The following BMPR1A variants were observed in gnomAD, a reference collection of about 807,000 sequenced individuals.
BMPR1A encodes bone morphogenetic protein receptor type 1A, also known as bone morphogenetic protein receptor type-1A.
Under a neutral mutation model 66.0 loss-of-function variants are expected in BMPR1A, and 7 were observed. The ratio of observed to expected loss-of-function variants is 0.11; its 90% CI spans 0.06 to 0.20. The LOEUF is 0.20. Ranked by LOEUF, BMPR1A falls within the 10% of genes least tolerant of loss-of-function variation. The pLI is 1.00. For missense variants in BMPR1A, 408 were observed against 669.1 expected (o/e 0.61, Z 4.31); for synonymous variants, 200 against 229.7 (o/e 0.87, Z 1.17).
At chr10:86,842,324 C>T (rs1210913644) in intron 2 of BMPR1A, among the ~76,000 whole-genome samples, 1 of 152,104 alleles carries the variant, frequency 6.6e-6, no homozygotes, top group Non-Finnish European at 1.5e-5. Context: ...GGTGAGAGGG[C>T]AGAGGAAAAA....
chr10:86,865,080 T>C (rs1356596673), intron 2 of BMPR1A, among the ~76,000 whole-genome samples: 1 of 139,062 alleles, frequency 7.2e-6, no homozygotes, highest in Non-Finnish European at 1.5e-5. Flanking sequence ...AGCCGAGCCA[T>C]CGTATCCCCT....
downstream of BMPR1A, chr10:86,928,220 CTTTTTTTTTT>C (rs71477622): frequency 1.7e-5 from 2 of 119,268 alleles, no homozygotes; most frequent in East Asian, 4.9e-4. Flanking sequence ...TTTCTTTTTC[CTTTTTTTTTT>C]TTTTTTTTTG....
intron 4 of BMPR1A, among the ~76,000 whole-genome samples, chr10:86,890,512 T>G (rs529185949): frequency 5.3e-4 from 81 of 152,252 alleles, no homozygotes; most frequent in African/African-American, 1.7e-3. Context: ...TTAAATTTAT[T>G]GATGCTCATT....
chr10:86,764,735 A>G (rs1841136188), intron 1 of BMPR1A, among the ~76,000 whole-genome samples: 1 of 152,198 alleles, frequency 6.6e-6, no homozygotes. Flanking sequence ...TTAGACCTCT[A>G]CTGTCCACTA....
chr10:86,913,289 A>ATT (rs36002213), intron 8 of BMPR1A, among the ~76,000 whole-genome samples: 7,530 of 118,990 alleles, frequency 0.063, 381 homozygotes, highest in African/African-American at 0.12. Flanking sequence ...CACCAGGCTA[A>ATT]TTTTTTTTTT....
At chr10:86,872,829 A>G (rs1050979638) in intron 2 of BMPR1A, among the ~76,000 whole-genome samples, 1 of 152,124 alleles carries the variant, frequency 6.6e-6, no homozygotes, top group African/African-American at 2.4e-5. Context: ...ATCACAGTGC[A>G]TTGTAGCCTG....
chr10:86,790,175 AAAAAAAAAAAAAAATATAT>A (rs1242703973), intron 1 of BMPR1A, among the ~76,000 whole-genome samples: 10 of 41,118 alleles, frequency 2.4e-4, no homozygotes, highest in African/African-American at 9.1e-4. Context: ...AAAAAAAAAA[AAAAAAAAAAAAAAATATAT>A]ATATATATAT....
At chr10:86,860,066 C>T (rs886496262) in intron 2 of BMPR1A, among the ~76,000 whole-genome samples, 9 of 152,238 alleles carry the variant, frequency 5.9e-5, no homozygotes, top group South Asian at 2.1e-4. Flanking sequence ...TGGGACTGCT[C>T]GGGAGGCCGA....
intron 1 of BMPR1A, among the ~76,000 whole-genome samples, chr10:86,830,230 CAGA>C (rs1282023047): frequency 2.0e-5 from 3 of 152,128 alleles, no homozygotes; most frequent in African/African-American, 4.8e-5. Flanking sequence ...TGGAGGGTGG[CAGA>C]AGAAGAAGAG....
chr10:86,895,737 G>A (rs1843215609), intron 5 of BMPR1A, among the ~76,000 whole-genome samples: 1 of 151,984 alleles, frequency 6.6e-6, no homozygotes, highest in African/African-American at 2.4e-5. Context: ...ATATCATTAA[G>A]AAATGCCTGG....
intron 1 of BMPR1A, among the ~76,000 whole-genome samples, chr10:86,815,796 G>C (rs561478539): frequency 4.9e-4 from 75 of 152,186 alleles, no homozygotes; most frequent in Non-Finnish European, 8.4e-4. Flanking sequence ...TTTAGTCCCA[G>C]GCTGATGGGA....
chr10:86,864,433 C>T (rs192297194), intron 2 of BMPR1A, among the ~76,000 whole-genome samples: 5 of 152,340 alleles, frequency 3.3e-5, no homozygotes, highest in Admixed American at 3.3e-4. Flanking sequence ...GACTTCTCTG[C>T]TAGCATCACA....
intron 2 of BMPR1A, among the ~76,000 whole-genome samples, chr10:86,856,425 T>G (rs1167838526): frequency 6.6e-6 from 1 of 152,192 alleles, no homozygotes; most frequent in Admixed American, 6.5e-5. Flanking sequence ...CACGTTATCT[T>G]AAGGGTGAAT....
chr10:86,839,606 A>AAT (rs1842397609), intron 2 of BMPR1A, among the ~76,000 whole-genome samples: 2 of 151,768 alleles, frequency 1.3e-5, no homozygotes, highest in Admixed American at 1.3e-4. Context: ...AAAAAAAAAA[A>AAT]AAAAAAAGAT....
intron 1 of BMPR1A, among the ~76,000 whole-genome samples, chr10:86,764,976 C>T (rs758080894): frequency 2.6e-5 from 4 of 152,106 alleles, no homozygotes; most frequent in Non-Finnish European, 5.9e-5. Context: ...GTAATCCCAG[C>T]ACTGTGGGAG....
At chr10:86,866,988 G>C (rs1842795120) in intron 2 of BMPR1A, among the ~76,000 whole-genome samples, 1 of 152,170 alleles carries the variant, frequency 6.6e-6, no homozygotes, top group East Asian at 1.9e-4. Flanking sequence ...AAAAATGACA[G>C]TGACAATGGG....
intron 3 of BMPR1A, among the ~76,000 whole-genome samples, chr10:86,882,035 T>C (rs888864874): frequency 8.5e-5 from 13 of 152,090 alleles, no homozygotes; most frequent in African/African-American, 3.1e-4. Flanking sequence ...CATTGAAATA[T>C]TTACAGATAA....
At chr10:86,915,726 C>CA (rs1232135225) in intron 8 of BMPR1A, among the ~76,000 whole-genome samples, 4 of 151,892 alleles carry the variant, frequency 2.6e-5, no homozygotes, top group East Asian at 3.9e-4. Flanking sequence ...GACTCTGTCT[C>CA]AAAAAAACAG....
At chr10:86,819,118 G>A (rs1195728799) in intron 1 of BMPR1A, among the ~76,000 whole-genome samples, 3 of 151,830 alleles carry the variant, frequency 2.0e-5, no homozygotes, top group East Asian at 1.9e-4. Context: ...TCTTATTTCC[G>A]TGACTGTATC....
Sources: gnomAD v4.1 joint callset for allele counts (sites outside exome capture counted in the v4.1 genomes callset) on GRCh38, gnomAD v4.1.1 for gene constraint, MANE v1.5 for transcripts, NCBI Gene and HGNC (gene_info 2026-07-23, HGNC 2026-07-21) for gene names.